ZBTB20: variants seen among roughly 807,000 people sequenced by gnomAD.
ZBTB20 encodes the protein zinc finger and BTB domain-containing protein 20.
Under a neutral mutation model 56.9 loss-of-function variants are expected in ZBTB20, and 9 were observed. That is an observed-to-expected ratio of 0.16 (90% CI 0.10 to 0.28). The LOEUF is 0.28. Ranked by LOEUF, ZBTB20 falls within the 10% of genes least tolerant of loss-of-function variation. The probability of loss-of-function intolerance (pLI) is 1.00; values close to 1 mark genes in which losing one functional copy is unlikely to be tolerated. For missense variants in ZBTB20, 655 were observed against 1,003.0 expected (o/e 0.65, Z 4.69); for synonymous variants, 417 against 420.7 (o/e 0.99, Z 0.11).
At chr3:114,845,727 A>T (rs1459178009) in intron 4 of ZBTB20, among the ~76,000 whole-genome samples, 1 of 152,220 alleles carries the variant, frequency 6.6e-6, no homozygotes, top group African/African-American at 2.4e-5. Context: ...TTTAAGCGCT[A>T]TTCCAGCAAT....
At chr3:114,888,388 C>T (rs1048295207) in intron 4 of ZBTB20, among the ~76,000 whole-genome samples, 4 of 151,990 alleles carry the variant, frequency 2.6e-5, no homozygotes, top group African/African-American at 7.3e-5. Flanking sequence ...TGCACTCCAG[C>T]CTGGGTGACA....
chr3:114,711,574 T>C (rs2064086008), intron 5 of ZBTB20, among the ~76,000 whole-genome samples: 1 of 152,200 alleles, frequency 6.6e-6, no homozygotes, highest in Non-Finnish European at 1.5e-5. Flanking sequence ...AATTAGATAG[T>C]TAACTAAAAA....
chr3:114,471,881 G>T (rs999290514), intron 7 of ZBTB20, among the ~76,000 whole-genome samples: 4 of 152,108 alleles, frequency 2.6e-5, no homozygotes, highest in Non-Finnish European at 4.4e-5. Context: ...ACTTTAATAA[G>T]GTTACCAGAT....
At chr3:114,886,291 G>A (rs536895122) in intron 4 of ZBTB20, among the ~76,000 whole-genome samples, 1 of 152,266 alleles carries the variant, frequency 6.6e-6, no homozygotes, top group South Asian at 2.1e-4. Context: ...TCTAGACCTG[G>A]ATATTCATGA....
At chr3:114,997,345 T>C (rs1345261122) in intron 2 of ZBTB20, among the ~76,000 whole-genome samples, 1 of 151,802 alleles carries the variant, frequency 6.6e-6, no homozygotes, top group Non-Finnish European at 1.5e-5. Flanking sequence ...TGTACAACCT[T>C]GCGAATATGC....
chr3:114,751,299 G>A (rs936769383), intron 5 of ZBTB20, among the ~76,000 whole-genome samples: 3 of 152,102 alleles, frequency 2.0e-5, no homozygotes, highest in African/African-American at 7.2e-5. Context: ...CACTCACCAT[G>A]TAATGAAGAT....
intron 6 of ZBTB20, among the ~76,000 whole-genome samples, chr3:114,598,189 A>G (rs2056473906): frequency 6.6e-6 from 1 of 152,124 alleles, no homozygotes; most frequent in Non-Finnish European, 1.5e-5. Context: ...AATCTTCTCT[A>G]ACTTTCACAT....
At chr3:114,537,447 C>T (rs933122752) in intron 6 of ZBTB20, among the ~76,000 whole-genome samples, 7 of 152,156 alleles carry the variant, frequency 4.6e-5, no homozygotes, top group Admixed American at 1.3e-4. Context: ...TACCATCTCA[C>T]GCCAGTTAGA....
chr3:115,067,695 C>T (rs1418167904), intron 2 of ZBTB20, among the ~76,000 whole-genome samples: 1 of 152,112 alleles, frequency 6.6e-6, no homozygotes, highest in Non-Finnish European at 1.5e-5. Flanking sequence ...GATATTCAAA[C>T]TGGCTTCTAA....
At chr3:114,827,004 G>C (rs1166045945) in intron 4 of ZBTB20, among the ~76,000 whole-genome samples, 1 of 151,496 alleles carries the variant, frequency 6.6e-6, no homozygotes, top group Admixed American at 6.6e-5. Flanking sequence ...GGTGCGTAAG[G>C]GTTTTTTTCC....
chr3:114,401,119 C>CACACACACACAA (rs61015810), intron 7 of ZBTB20, among the ~76,000 whole-genome samples: 1 of 150,518 alleles, frequency 6.6e-6, no homozygotes, highest in Admixed American at 6.6e-5. Context: ...CACACACACA[C>CACACACACACAA]TACTCCCAAT....
In ZBTB20 at chr3:114,560,659, C is replaced by T. The variant is rs538280599; in HGVS notation, c.-294-60268G>A. 5.2e-4 allele frequency among the ~76,000 whole-genome samples: 79 copies of T among 152,258 alleles called. 1 individual carries two copies. The highest frequency in any genetic ancestry group is 1.6e-3 in the African/African-American group (66 of 41,540). On this transcript the variant is annotated intron_variant, in intron 6 of 11. Transcript: ENST00000675478. ...AAAAATACTTTATTGCTGAAAAGTG[C>T]TCACCACCCTCTGAGCTTTCAAGAT...
chr3:114,609,878 G>A (rs2057425485), intron 6 of ZBTB20, among the ~76,000 whole-genome samples: 1 of 152,174 alleles, frequency 6.6e-6, no homozygotes, highest in Admixed American at 6.5e-5. Flanking sequence ...GATTGTAGGT[G>A]AGCATGGTTT....
chr3:115,095,850 T>C (rs1381129850), intron 1 of ZBTB20, among the ~76,000 whole-genome samples: 1 of 152,220 alleles, frequency 6.6e-6, no homozygotes, highest in Non-Finnish European at 1.5e-5. Context: ...ATCTAAGATA[T>C]GTATATTGCC....
At chr3:114,579,018 T>C (rs1167926940) in intron 6 of ZBTB20, among the ~76,000 whole-genome samples, 1 of 151,842 alleles carries the variant, frequency 6.6e-6, no homozygotes. Context: ...AAAGATGCTA[T>C]GTTAACCACC....
chr3:114,934,257 C>G (rs1023268827), intron 3 of ZBTB20, among the ~76,000 whole-genome samples: 15 of 152,122 alleles, frequency 9.9e-5, no homozygotes, highest in African/African-American at 3.6e-4. Context: ...TGGCAGAGTC[C>G]TCTTCATCTT....
chr3:114,748,355 TC>T (rs1221740308), intron 5 of ZBTB20, among the ~76,000 whole-genome samples: 5 of 137,820 alleles, frequency 3.6e-5, no homozygotes, highest in Admixed American at 7.3e-5. Flanking sequence ...CTTTCTTTTC[TC>T]TCTCTCTCTC....
At chr3:114,756,895 T>C (rs2068047204) in intron 5 of ZBTB20, among the ~76,000 whole-genome samples, 1 of 152,170 alleles carries the variant, frequency 6.6e-6, no homozygotes, top group African/African-American at 2.4e-5. Context: ...TGTTCTTTTA[T>C]TAATTTCTGA....
At chr3:114,791,349 C>A (rs564763929) in intron 5 of ZBTB20, among the ~76,000 whole-genome samples, 1 of 152,242 alleles carries the variant, frequency 6.6e-6, no homozygotes, top group African/African-American at 2.4e-5. Flanking sequence ...TGAGAGCTTT[C>A]CATGCAAACT....
Sources: allele counts gnomAD v4.1 joint callset (sites outside exome capture counted in the v4.1 genomes callset), GRCh38; gene constraint gnomAD v4.1.1; transcripts MANE v1.5; gene names NCBI Gene and HGNC (gene_info 2026-07-23, HGNC 2026-07-21).